CFHR5: variants seen among roughly 807,000 people sequenced by gnomAD.
CFHR5 encodes complement factor H related 5.
A neutral mutation model predicts 62.9 loss-of-function variants in CFHR5; 73 were observed. The ratio of observed to expected loss-of-function variants is 1.16; its 90% CI spans 0.96 to 1.41. The LOEUF (loss-of-function observed/expected upper bound fraction) is 1.41, where lower values mean the gene tolerates loss of function less well. Among genes scored for constraint, CFHR5 ranks in the 40% most tolerant of loss-of-function variants. The pLI is 0.00. For synonymous variants in CFHR5, 249 were observed against 227.2 expected (o/e 1.10, Z -0.86); for missense variants, 779 against 679.9 (o/e 1.15, Z -1.62).
chr1:196,984,258 TTTCGG>T, intron 3 of CFHR5, 121 bp downstream of exon 3: 1 of 912,438 alleles, frequency 1.1e-6, no homozygotes, highest in South Asian at 1.5e-5. Flanking sequence ...TTTATTTGAT[TTTCGG>T]TTCCAATTGT....
chr1:196,991,622 C>T (rs113752193), intron 3 of CFHR5, among the ~76,000 whole-genome samples: 27,711 of 152,114 alleles, frequency 0.18, 2,931 homozygotes, highest in Middle Eastern at 0.34. Context: ...ACAATCAGGT[C>T]CCTCAGCTGC....
At position 196,977,593 on chromosome 1, in the gene CFHR5, A is replaced by G. The variant is rs778532188; in HGVS notation, c.-72A>G. 1 of 1,205,876 alleles carries G rather than the reference A, an allele frequency of 8.3e-7. No individual in the cohort carries two copies. The highest frequency in any genetic ancestry group is 1.2e-6 in the Non-Finnish European group (1 of 808,090). The allele number at this position is 1,205,876 out of a possible 1,614,324, so 74.7% of individuals were successfully genotyped here. The stretch of plus-strand genomic sequence containing the variant: ...TTCAAAGTCATGCTTGTAACTGTTA[A>G]TGAAAGCAGATTTAAAGCAACACCA... On this transcript the variant is annotated 5_prime_UTR_variant, in exon 1 of 10. The change abolishes an upstream ATG in the 5' untranslated region. Coordinates refer to ENST00000256785, the MANE Select transcript of CFHR5 (RefSeq NM_030787.4).
chr1:196,993,292 T>C (rs1653896462), intron 3 of CFHR5, among the ~76,000 whole-genome samples: 2 of 152,136 alleles, frequency 1.3e-5, no homozygotes, highest in Admixed American at 6.5e-5. Flanking sequence ...GTTTGGGTGT[T>C]TCACATATCT....
chr1:197,004,003 G>C (rs1654216701), intron 8 of CFHR5, among the ~76,000 whole-genome samples: 1 of 152,140 alleles, frequency 6.6e-6, no homozygotes, highest in Non-Finnish European at 1.5e-5. Context: ...AATGAAACTA[G>C]AGGATGTACA....
chr1:196,981,187 A>G (rs924471904), intron 1 of CFHR5, among the ~76,000 whole-genome samples: 1 of 152,186 alleles, frequency 6.6e-6, no homozygotes, highest in South Asian at 2.1e-4. Flanking sequence ...GTGAAAAACA[A>G]AACAATTTCT....
intron 8 of CFHR5, among the ~76,000 whole-genome samples, chr1:197,003,790 T>A (rs1301493201): frequency 6.6e-6 from 1 of 152,220 alleles, no homozygotes; most frequent in East Asian, 1.9e-4. Context: ...ATAGAAGATA[T>A]GGAGAAAGTG....
At chr1:196,999,600 A>T (rs1654078703) in intron 7 of CFHR5, among the ~76,000 whole-genome samples, 1 of 149,870 alleles carries the variant, frequency 6.7e-6, no homozygotes, top group South Asian at 2.1e-4. Context: ...AAGGATACGT[A>T]GTAAAACCTA....
chr1:196,999,722 T>TATATATATATACAC (rs1164729053), intron 7 of CFHR5, among the ~76,000 whole-genome samples: 15 of 116,136 alleles, frequency 1.3e-4, no homozygotes, highest in African/African-American at 3.5e-4. Context: ...TATATATATA[T>TATATATATATACAC]ACACACACAC....
Position 196,998,273 on chromosome 1 carries a change from C to G in CFHR5, c.1116C>G (p.Asn372Lys). ...GATACAGGCACTCAGTCTGTATAAA[C>G]GGGAAATGGAATCCTGAAGTAGACT... is the stretch of plus-strand genomic sequence containing the variant. Reference protein sequence around the residue: ...IFRYRHSVCINGKWNPEVDCT... With the variant: ...IFRYRHSVCIKGKWNPEVDCT... The change falls in exon 7 of 10, where the codon AAC becomes AAG. Residue 372 changes from asparagine to lysine, a missense_variant. Coordinates refer to ENST00000256785, the MANE Select transcript of CFHR5 (RefSeq NM_030787.4). 3.7e-6 allele frequency: 6 copies of G among 1,611,140 alleles called. No individual in the cohort carries two copies. The highest frequency in any genetic ancestry group is 4.2e-6 in the Non-Finnish European group (5 of 1,178,358).
chr1:196,982,257 T>C (rs1423057548), intron 1 of CFHR5, among the ~76,000 whole-genome samples: 1 of 152,192 alleles, frequency 6.6e-6, no homozygotes, highest in East Asian at 1.9e-4. Flanking sequence ...CCAGGGAGAT[T>C]TGCTACTCTT....
Position 197,002,458 on chromosome 1 carries a change from TA to T in CFHR5, c.1148-22del, listed in dbSNP as rs554792247. 4.7e-4 allele frequency: 752 copies of T among 1,585,248 alleles called. 11 individuals carry two copies. The African/African-American group carries it at 9.1e-3, about 19-fold the overall frequency. On this transcript the variant is annotated intron_variant, in intron 7 of 9. Transcript: ENST00000256785. Reference sequence around the variant, plus strand: ...TTTTACTTAACTTTTATTAATCATATAATTTAATTCCAATATTTTGTAGAAA... The same window carrying T: ...TTTTACTTAACTTTTATTAATCATATATTTAATTCCAATATTTTGTAGAAA...
At chr1:196,999,219 C>G (rs925945544) in intron 7 of CFHR5, among the ~76,000 whole-genome samples, 2 of 151,738 alleles carry the variant, frequency 1.3e-5, no homozygotes, top group African/African-American at 4.8e-5. Flanking sequence ...ATAAGGATTT[C>G]AAAAAGATAA....
chr1:196,989,646 G>C (rs996212303), intron 3 of CFHR5, among the ~76,000 whole-genome samples: 1 of 152,156 alleles, frequency 6.6e-6, no homozygotes, highest in African/African-American at 2.4e-5. Flanking sequence ...TCATTCAGGA[G>C]CAGGGTGTTC....
Position 196,982,847 on chromosome 1 carries a change from C to G in CFHR5, c.59-38C>G, listed in dbSNP as rs183528234. 10 of 1,565,002 alleles carry G rather than the reference C, an allele frequency of 6.4e-6. No homozygotes were observed. The African/African-American group carries it at 9.5e-5, about 15-fold the overall frequency. ...AATCTAGTGATTCATCGATGTAGCT[C>G]TTTATTTAATTCTTCAGTTTTGTGT... is the stretch of plus-strand genomic sequence containing the variant. On this transcript the variant is annotated intron_variant, in intron 1 of 9. Coordinates refer to ENST00000256785, the MANE Select transcript of CFHR5 (RefSeq NM_030787.4).
rs898104996 is a variant in CFHR5, at chr1:196,998,215, C to G, written c.1058C>G (p.Ser353Cys). Residue 353 changes from serine (S) to cysteine (C), a missense_variant, in exon 7 of 10, where the codon TCT (serine) becomes TGT (cysteine). Ser to Cys is a moderately radical substitution (Grantham distance 112). Transcript: ENST00000256785. The stretch of plus-strand genomic sequence containing the variant: ...TCTGGGAAAGAATTTAATCATAATT[C>G]TAGAATACGTTACAGATGTTCAGAC... ...KLSGKEFNHN[S>C]RIRYRCSDIF... The G allele has an allele frequency of 6.2e-7, 1 of 1,608,378 alleles. No individual in the cohort carries two copies. The highest frequency in any genetic ancestry group is 1.3e-5 in the African/African-American group (1 of 74,822).
chr1:196,998,730 T>C (rs1654057352), intron 7 of CFHR5, among the ~76,000 whole-genome samples: 1 of 152,032 alleles, frequency 6.6e-6, no homozygotes, highest in Non-Finnish European at 1.5e-5. Flanking sequence ...AGTAATCAAT[T>C]ATTTCCCTAA....
At chr1:196,986,668 T>C (rs1218337088) in intron 3 of CFHR5, among the ~76,000 whole-genome samples, 1 of 152,116 alleles carries the variant, frequency 6.6e-6, no homozygotes, top group African/African-American at 2.4e-5. Context: ...GGTTTCCAGG[T>C]TCATCCATGA....
chr1:196,993,930 T>C (rs1653916873), intron 3 of CFHR5, 150 bp from the exon 4 acceptor site: 6 of 645,370 alleles, frequency 9.3e-6, no homozygotes, highest in Non-Finnish European at 1.6e-5. Context: ...ATTTATTGGG[T>C]ATAAATAATT....
chr1:196,980,370 G>C (rs934130754), intron 1 of CFHR5, among the ~76,000 whole-genome samples: 5 of 151,992 alleles, frequency 3.3e-5, no homozygotes, highest in African/African-American at 9.7e-5. Flanking sequence ...ATACATAATT[G>C]TGTGTGCTAT....
Sources: allele counts gnomAD v4.1 joint callset (sites outside exome capture counted in the v4.1 genomes callset), GRCh38; gene constraint gnomAD v4.1.1; transcripts MANE v1.5; gene names NCBI Gene and HGNC (gene_info 2026-07-23, HGNC 2026-07-21).